The following ERC2 variants were observed in gnomAD, a reference collection of about 807,000 sequenced individuals.
The protein encoded by ERC2 is ERC protein 2.
ERC2 carries 42 observed loss-of-function variants against 114.8 expected under a neutral mutation model. The observed-to-expected ratio is 0.37, with a 90% CI of 0.29 to 0.47. The LOEUF is 0.47. ERC2 is among the 20% of genes least tolerant of loss of function. The probability of loss-of-function intolerance (pLI) is 0.99; values close to 1 mark genes in which losing one functional copy is unlikely to be tolerated. For missense variants in ERC2, 939 were observed against 1,150.7 expected (o/e 0.82, Z 2.66); for synonymous variants, 454 against 425.5 (o/e 1.07, Z -0.82).
intron 7 of ERC2, among the ~76,000 whole-genome samples, chr3:56,060,385 C>T (rs550985152): frequency 6.6e-6 from 1 of 152,348 alleles, no homozygotes; most frequent in African/African-American, 2.4e-5. Context: ...AAGAAACCCC[C>T]ACCCTTTAAA....
At chr3:55,935,528 A>C (rs1044465513) in intron 13 of ERC2, among the ~76,000 whole-genome samples, 3 of 152,190 alleles carry the variant, frequency 2.0e-5, no homozygotes, top group African/African-American at 7.2e-5. Context: ...TAGTGAGAAA[A>C]TTCCTTGCTC....
chr3:56,108,205 C>T (rs1293029795), intron 6 of ERC2, among the ~76,000 whole-genome samples: 9 of 152,050 alleles, frequency 5.9e-5, no homozygotes, highest in African/African-American at 1.7e-4. Flanking sequence ...TTCCTATAAA[C>T]ATTTTTAAAG....
intron 7 of ERC2, among the ~76,000 whole-genome samples, chr3:56,029,670 A>C (rs1304061900): frequency 6.6e-6 from 1 of 151,858 alleles, no homozygotes; most frequent in Non-Finnish European, 1.5e-5. Context: ...AACTGTAATG[A>C]TAGCTTCTGT....
chr3:56,193,506 C>CAA (rs369281879), intron 3 of ERC2, among the ~76,000 whole-genome samples: 273 of 128,736 alleles, frequency 2.1e-3, no homozygotes, highest in African/African-American at 6.0e-3. Flanking sequence ...GACTCTGTCT[C>CAA]AAAAAAAAAA....
intron 13 of ERC2, among the ~76,000 whole-genome samples, chr3:55,908,472 G>A (rs1245044656): frequency 1.3e-5 from 2 of 152,138 alleles, no homozygotes; most frequent in Non-Finnish European, 2.9e-5. Context: ...CCAGGGGACT[G>A]AGAGTGAACA....
intron 17 of ERC2, among the ~76,000 whole-genome samples, chr3:55,533,337 C>T (rs532101373): frequency 2.0e-5 from 3 of 152,256 alleles, no homozygotes; most frequent in East Asian, 3.9e-4. Context: ...GGCTCATGAC[C>T]GTTCAAAGGT....
intron 17 of ERC2, among the ~76,000 whole-genome samples, chr3:55,560,619 T>C (rs1281279905): frequency 6.6e-6 from 1 of 152,164 alleles, no homozygotes; most frequent in East Asian, 1.9e-4. Flanking sequence ...TAAGTATCAC[T>C]GAGGGACCAC....
At chr3:55,834,667 C>T (rs1184339672) in intron 14 of ERC2, among the ~76,000 whole-genome samples, 3 of 149,280 alleles carry the variant, frequency 2.0e-5, no homozygotes, top group Admixed American at 6.7e-5. Context: ...AGGAAAGATC[C>T]AAAATTGACA....
chr3:55,674,351 A>G (rs2061690446), intron 17 of ERC2, among the ~76,000 whole-genome samples: 1 of 152,330 alleles, frequency 6.6e-6, no homozygotes, highest in East Asian at 1.9e-4. Flanking sequence ...ATCTCCATCA[A>G]GTACATATTT....
intron 14 of ERC2, among the ~76,000 whole-genome samples, chr3:55,846,990 C>T (rs1360809302): frequency 6.6e-6 from 1 of 152,058 alleles, no homozygotes; most frequent in Non-Finnish European, 1.5e-5. Context: ...ACCTGGAAAC[C>T]AGAAACCATG....
chr3:56,105,873 G>C (rs1042993710), intron 6 of ERC2, among the ~76,000 whole-genome samples: 2 of 152,124 alleles, frequency 1.3e-5, no homozygotes, highest in African/African-American at 4.8e-5. Flanking sequence ...TTCTAGACTG[G>C]TAGTCTCATG....
intron 3 of ERC2, among the ~76,000 whole-genome samples, chr3:56,265,131 G>A (rs778033851): frequency 1.7e-4 from 26 of 152,108 alleles, no homozygotes; most frequent in Admixed American, 2.0e-4. Flanking sequence ...AACCATGAAA[G>A]ACCTCAAATA....
At chr3:56,269,484 A>G (rs2053522540) in intron 3 of ERC2, among the ~76,000 whole-genome samples, 1 of 152,234 alleles carries the variant, frequency 6.6e-6, no homozygotes, top group African/African-American at 2.4e-5. Context: ...CAGCCTAAAG[A>G]AAATTAACAA....
intron 17 of ERC2, among the ~76,000 whole-genome samples, chr3:55,618,978 G>A (rs191554073): frequency 6.5e-4 from 99 of 152,242 alleles, no homozygotes; most frequent in Non-Finnish European, 1.1e-3. Context: ...TTGTTCAAGC[G>A]TAGTCTCCAG....
intron 3 of ERC2, among the ~76,000 whole-genome samples, chr3:56,220,856 A>C (rs1326924588): frequency 6.6e-6 from 1 of 152,216 alleles, no homozygotes; most frequent in Non-Finnish European, 1.5e-5. Context: ...TAAGACTCTT[A>C]AGGTCGAGAA....
intron 7 of ERC2, among the ~76,000 whole-genome samples, chr3:56,047,317 C>T (rs1420269105): frequency 6.6e-6 from 1 of 152,162 alleles, no homozygotes; most frequent in Non-Finnish European, 1.5e-5. Context: ...GGATCCTGTC[C>T]TTAATCAGAG....
At chr3:55,959,736 AG>A (rs1474422116) in intron 12 of ERC2, among the ~76,000 whole-genome samples, 1 of 152,208 alleles carries the variant, frequency 6.6e-6, no homozygotes, top group Non-Finnish European at 1.5e-5. Flanking sequence ...GTGGTCATGT[AG>A]GGCTGAGAAT....
chr3:56,040,392 T>C (rs113732885), intron 7 of ERC2, among the ~76,000 whole-genome samples: 7 of 151,370 alleles, frequency 4.6e-5, no homozygotes, highest in African/African-American at 1.7e-4. Context: ...TCTCCCTCTG[T>C]CACCTAGGCC....
intron 3 of ERC2, among the ~76,000 whole-genome samples, chr3:56,224,680 G>A (rs549181092): frequency 2.6e-5 from 4 of 152,164 alleles, no homozygotes; most frequent in South Asian, 2.1e-4. Context: ...ACCCACACAC[G>A]GGTTTTAATA....
Sources: allele counts gnomAD v4.1 joint callset (sites outside exome capture counted in the v4.1 genomes callset), GRCh38; gene constraint gnomAD v4.1.1; transcripts MANE v1.5; gene names NCBI Gene and HGNC (gene_info 2026-07-23, HGNC 2026-07-21).